TMED3: variants seen among roughly 807,000 people sequenced by gnomAD.
TMED3 encodes the protein transmembrane emp24 domain-containing protein 3.
TMED3 carries 9 observed loss-of-function variants against 15.0 expected under a neutral mutation model. That is an observed-to-expected ratio of 0.60 (90% CI 0.36 to 1.04). The LOEUF (loss-of-function observed/expected upper bound fraction) is 1.04. Among genes scored for constraint, TMED3 ranks in the 50% least tolerant of loss-of-function variants. The pLI, the probability that TMED3 is intolerant of heterozygous loss-of-function variation, is 0.01. For missense variants in TMED3, 267 were observed against 278.9 expected, an observed-to-expected ratio of 0.96 and a Z score of 0.30; for synonymous variants, 117 against 121.4, an observed-to-expected ratio of 0.96 and a Z score of 0.24.
chr15:79,388,945 T>A (rs1237866932), intron 2 of TMED3, among the ~76,000 whole-genome samples: 1 of 152,218 alleles, frequency 6.6e-6, no homozygotes, highest in East Asian at 1.9e-4. Context: ...GATTGTTTTT[T>A]TTCTTACTGA....
intron 2 of TMED3, among the ~76,000 whole-genome samples, chr15:79,334,395 G>T (rs61019166): frequency 0.14 from 20,858 of 152,196 alleles, 1,720 homozygotes; most frequent in East Asian, 0.43. Flanking sequence ...TAGGGGCCAT[G>T]TGTGAGCAGC....
chr15:79,381,197 G>A (rs1893529311), intron 2 of TMED3, among the ~76,000 whole-genome samples: 1 of 152,108 alleles, frequency 6.6e-6, no homozygotes, highest in Non-Finnish European at 1.5e-5. Flanking sequence ...CAAGGCGATT[G>A]CTACCACCAG....
rs1893561642 is a variant in TMED3, at chr15:79,382,969, G to A, written c.418-28431G>A. 2.0e-6 allele frequency: 3 copies of A among 1,535,348 alleles called. No homozygotes were observed. In the South Asian group the frequency reaches 3.6e-5, roughly 18 times the overall value. On this transcript the variant is annotated intron_variant, in intron 2 of 2. Transcript: ENST00000424155. The stretch of plus-strand genomic sequence containing the variant: ...AACACGATTTATTTCTTTTCCAAGG[G>A]TCCCAGTGCTTCACCAACACCAACG...
chr15:79,405,681 A>T (rs1595912680), intron 2 of TMED3, among the ~76,000 whole-genome samples: 1 of 152,302 alleles, frequency 6.6e-6, no homozygotes, highest in South Asian at 2.1e-4. Flanking sequence ...TTCTGGCAGT[A>T]TGTATTTTCC....
At chr15:79,354,232 T>C (rs2058909561) in intron 2 of TMED3, among the ~76,000 whole-genome samples, 1 of 152,160 alleles carries the variant, frequency 6.6e-6, no homozygotes, top group Non-Finnish European at 1.5e-5. Context: ...ATGAAAGTTA[T>C]AGGCTTGGCT....
At chr15:79,330,757 G>A (rs778946990) in intron 2 of TMED3, among the ~76,000 whole-genome samples, 2 of 152,062 alleles carry the variant, frequency 1.3e-5, no homozygotes, top group African/African-American at 4.8e-5. Flanking sequence ...AAGCCTGGAG[G>A]TATCACACTT....
intron 2 of TMED3, among the ~76,000 whole-genome samples, chr15:79,338,554 A>G (rs944637058): frequency 6.6e-6 from 1 of 152,252 alleles, no homozygotes; most frequent in Non-Finnish European, 1.5e-5. Flanking sequence ...ATAGTAAAAT[A>G]TAAAATAAGA....
chr15:79,316,350 C>T (rs1370201585), intron 2 of TMED3, among the ~76,000 whole-genome samples: 1 of 152,194 alleles, frequency 6.6e-6, no homozygotes, highest in Non-Finnish European at 1.5e-5. Flanking sequence ...TCCAGGCTTC[C>T]TGAGAATCTG....
chr15:79,312,335 G>A (rs991651232), intron 1 of TMED3, among the ~76,000 whole-genome samples: 6 of 152,192 alleles, frequency 3.9e-5, no homozygotes, highest in Non-Finnish European at 7.3e-5. Flanking sequence ...TCAGGTCTTT[G>A]TGGACAACAT....
intron 2 of TMED3, among the ~76,000 whole-genome samples, chr15:79,386,248 C>T (rs1388901583): frequency 1.3e-5 from 2 of 152,144 alleles, no homozygotes; most frequent in Non-Finnish European, 2.9e-5. Flanking sequence ...CTGAACTGTA[C>T]ACTTAAAAAT....
intron 2 of TMED3, among the ~76,000 whole-genome samples, chr15:79,333,431 T>G (rs1240356403): frequency 6.6e-6 from 1 of 152,230 alleles, no homozygotes; most frequent in Non-Finnish European, 1.5e-5. Flanking sequence ...TTTTTCCTAA[T>G]ATAACGCTAG....
chr15:79,376,092 G>GTTTTTTTTTTTTTT (rs199728545), intron 2 of TMED3, among the ~76,000 whole-genome samples: 8 of 112,080 alleles, frequency 7.1e-5, no homozygotes, highest in African/African-American at 2.5e-4. Context: ...CTAGAGAAAG[G>GTTTTTTTTTTTTTT]TTTTTTTTTT....
intron 2 of TMED3, among the ~76,000 whole-genome samples, chr15:79,381,228 T>G (rs1003140683): frequency 2.0e-5 from 3 of 152,104 alleles, no homozygotes; most frequent in African/African-American, 7.2e-5. Context: ...CCTCTAGTTG[T>G]TGGTGGGCTC....
chr15:79,376,786 G>A (rs1245366099), intron 2 of TMED3, among the ~76,000 whole-genome samples: 1 of 152,106 alleles, frequency 6.6e-6, no homozygotes, highest in Non-Finnish European at 1.5e-5. Flanking sequence ...TTGTTTTTTA[G>A]TTGGTGCTCA....
At chr15:79,321,394 T>G (rs774408383) in intron 2 of TMED3, among the ~76,000 whole-genome samples, 2 of 152,212 alleles carry the variant, frequency 1.3e-5, no homozygotes, top group Non-Finnish European at 2.9e-5. Context: ...AGTGCCTGTT[T>G]ATATATATGT....
chr15:79,401,268 A>G (rs962202129), intron 2 of TMED3, among the ~76,000 whole-genome samples: 5 of 152,244 alleles, frequency 3.3e-5, no homozygotes, highest in Non-Finnish European at 7.3e-5. Context: ...TCTTAATGGC[A>G]TAATGCCCAG....
chr15:79,331,863 C>T (rs2058810537), intron 2 of TMED3, among the ~76,000 whole-genome samples: 1 of 152,106 alleles, frequency 6.6e-6, no homozygotes, highest in African/African-American at 2.4e-5. Context: ...TCATCTCACC[C>T]CAGTTAGGAT....
At chr15:79,396,602 C>T (rs555123580) in intron 2 of TMED3, among the ~76,000 whole-genome samples, 13 of 152,282 alleles carry the variant, frequency 8.5e-5, no homozygotes, top group South Asian at 2.1e-4. Flanking sequence ...GCAAGGTGGA[C>T]GCTGCACGGC....
chr15:79,357,334 A>AG (rs1461969870), intron 2 of TMED3, among the ~76,000 whole-genome samples: 1 of 151,796 alleles, frequency 6.6e-6, no homozygotes, highest in Non-Finnish European at 1.5e-5. Flanking sequence ...GAAAAAAAAA[A>AG]AATTGCCAAG....
Sources: gnomAD v4.1 joint callset for allele counts (sites outside exome capture counted in the v4.1 genomes callset) on GRCh38, gnomAD v4.1.1 for gene constraint, MANE v1.5 for transcripts, NCBI Gene and HGNC (gene_info 2026-07-23, HGNC 2026-07-21) for gene names.